The following MYO15B variants were observed in gnomAD, a reference collection of about 807,000 sequenced individuals.
The protein encoded by MYO15B is myosin XVB pseudogene.
A neutral mutation model predicts 119.3 loss-of-function variants in MYO15B; 207 were observed. The observed-to-expected ratio is 1.73, with a 90% CI of 1.55 to 1.95. The LOEUF is 1.95. Ranked by LOEUF, MYO15B falls within the 30% of genes most tolerant of loss-of-function variation. The probability of loss-of-function intolerance (pLI) is 0.00; values close to 1 mark genes in which losing one functional copy is unlikely to be tolerated. For missense variants in MYO15B, 2,264 were observed against 1,203.1 expected (o/e 1.88, Z -13.04); for synonymous variants, 966 against 498.9 (o/e 1.94, Z -12.48).
Position 75,620,596 on chromosome 17 carries a change from AC to A in MYO15B, c.7686del (p.Asn2562LysfsTer98). 1.4e-6 allele frequency: 1 copy of A among 702,434 alleles called. No homozygotes were observed. The highest frequency in any genetic ancestry group is 2.7e-5 in the East Asian group (1 of 37,242). 43.5% of individuals were successfully genotyped at this position (702,434 alleles called of 1,614,324 possible). On this transcript the variant is annotated frameshift_variant, in exon 49 of 64. Coordinates refer to ENST00000645453, the Ensembl canonical transcript of MYO15B. LOFTEE classifies it high-confidence loss of function. ...GGCTGGCACAAGGGTCAGCTGTCCAACGGGGAACCAGGGCTGGCTCGGTGGG... is the reference window on the plus strand; with the variant it reads ...GGCTGGCACAAGGGTCAGCTGTCCAAGGGGAACCAGGGCTGGCTCGGTGGG...
chr17:75,606,006 G>T (rs959512013), exon 21 of MYO15B: 1 of 698,766 alleles, frequency 1.4e-6, no homozygotes, highest in Non-Finnish European at 2.6e-6. Context: ...GCTCGCATGC[G>T]TGGGTTCCAG....
intron 34 of MYO15B, 49 bp from the exon 35 acceptor site, chr17:75,615,454 C>A: frequency 1.5e-6 from 1 of 674,142 alleles, no homozygotes; most frequent in African/African-American, 1.8e-5. Flanking sequence ...CAGCGAGCTT[C>A]AAGGCTGGCC....
chr17:75,616,498 AAC>A, intron 38 of MYO15B, 24 bp from the exon 39 acceptor site: 1 of 693,346 alleles, frequency 1.4e-6, no homozygotes, highest in Non-Finnish European at 2.6e-6. Context: ...GCACGCGGTT[AAC>A]AGTCTTTCCT....
chr17:75,621,604 C>T lies in MYO15B; in HGVS notation c.8005+34C>T, dbSNP rs1464239093. 6 of 695,452 alleles carry T rather than the reference C, an allele frequency of 8.6e-6. No individual in the cohort carries two copies. The African/African-American group carries it at 8.8e-5, about 10-fold the overall frequency. 43.1% of individuals were successfully genotyped at this position (695,452 alleles called of 1,614,324 possible). On this transcript the variant is annotated intron_variant, in intron 52 of 63. Coordinates refer to ENST00000645453, the Ensembl canonical transcript of MYO15B. ...CCACAGGCATCCTGGGTCCCCATGT[C>T]TGCAGTGCCATGAACCTGGGTGTCT...
exon 39 of MYO15B, chr17:75,616,583 G>A: frequency 1.4e-6 from 1 of 703,088 alleles, no homozygotes; most frequent in Non-Finnish European, 2.6e-6. Flanking sequence ...TGGGGCCAAA[G>A]CTCCAAAAGA....
At chr17:75,614,523 C>A (rs554391180) in intron 30 of MYO15B, 60 bp from the exon 31 acceptor site, 9 of 685,040 alleles carry the variant, frequency 1.3e-5, no homozygotes, top group African/African-American at 1.2e-4. Flanking sequence ...CTACCTCTTG[C>A]CCCAGCCTGG....
chr17:75,621,616 G>A (rs943814850), intron 52 of MYO15B, 46 bp downstream of exon 52: 4 of 688,438 alleles, frequency 5.8e-6, no homozygotes, highest in African/African-American at 3.5e-5. Context: ...GCAGTGCCAT[G>A]AACCTGGGTG....
chr17:75,624,861 G>A lies in MYO15B; in HGVS notation c.8633G>A (p.Trp2878Ter). The A allele has an allele frequency of 1.4e-6, 1 of 702,994 alleles. No individual in the cohort carries two copies. The allele number at this position is 702,994 out of a possible 1,614,324, so 43.5% of individuals were successfully genotyped here. A position where few individuals can be genotyped will look rare whatever the true frequency, so the allele number is the denominator to read the frequency against. ...AGCCTGCACAGCCGGCGGCTCCACT[G>A]GGAGACCCCACTGCACTTCGATAAC... Residue 2878 changes from tryptophan to a stop codon, truncating the protein, a stop_gained, in exon 59 of 64, where the codon TGG becomes TAG. Coordinates refer to ENST00000645453, the Ensembl canonical transcript of MYO15B. LOFTEE classifies it high-confidence loss of function.
chr17:75,626,574 T>C (rs1598967349), exon 64 of MYO15B: 2 of 694,050 alleles, frequency 2.9e-6, no homozygotes, highest in African/African-American at 1.7e-5. Flanking sequence ...ATCAGATCAC[T>C]GTTCTAGAAC....
At position 75,615,048 on chromosome 17, in the gene MYO15B, T is replaced by A. The variant is rs1251036184; in HGVS notation, c.5641+6T>A. On this transcript the variant is annotated splice_donor_region_variant and intron_variant, in intron 33 of 63. Coordinates refer to ENST00000645453, the Ensembl canonical transcript of MYO15B. Reference sequence around the variant, plus strand: ...ACAGCAGGGCTACCCCATGGGTGAGTGAGGGGCTGATTCCTCACCCAGGGC... The same window carrying A: ...ACAGCAGGGCTACCCCATGGGTGAGAGAGGGGCTGATTCCTCACCCAGGGC... 1 of 702,004 alleles carries A rather than the reference T, an allele frequency of 1.4e-6. No homozygotes were observed. The allele number at this position is 702,004 out of a possible 1,614,324, so 43.5% of individuals were successfully genotyped here. A position where few individuals can be genotyped will look rare whatever the true frequency, so the allele number is the denominator to read the frequency against.
At chr17:75,617,687 C>T in intron 41 of MYO15B, 123 bp from the exon 42 acceptor site, 1 of 602,232 alleles carries the variant, frequency 1.7e-6, no homozygotes, top group Non-Finnish European at 3.0e-6. Context: ...AGTAAGGCAG[C>T]TGGAGGTTGG....
At chr17:75,617,784 G>A (rs2058467840) in intron 41 of MYO15B, 26 bp from the exon 42 acceptor site, 1 of 692,066 alleles carries the variant, frequency 1.4e-6, no homozygotes, top group East Asian at 2.7e-5. Context: ...CCTCACTGAG[G>A]CTCCTCACCC....
intron 12 of MYO15B, 75 bp from the exon 13 acceptor site, chr17:75,596,385 C>G: frequency 1.4e-6 from 1 of 692,596 alleles, no homozygotes; most frequent in African/African-American, 1.8e-5. Context: ...TGCGCCCTGG[C>G]CAGAATGAAG....
exon 47 of MYO15B, chr17:75,619,921 C>T: frequency 1.4e-6 from 1 of 702,662 alleles, no homozygotes; most frequent in Non-Finnish European, 2.6e-6. Context: ...GCGGCTCCAC[C>T]CTGGAGCTGT....
chr17:75,594,866 C>G (rs866316256), exon 12 of MYO15B: 1 of 702,934 alleles, frequency 1.4e-6, no homozygotes. Context: ...GCACTGTATT[C>G]CCGCCTCTTC....
At chr17:75,601,701 T>C in intron 15 of MYO15B, 138 bp downstream of exon 15, 1 of 621,892 alleles carries the variant, frequency 1.6e-6, no homozygotes. Flanking sequence ...ACCTGAGCCA[T>C]GGGCCCTGCC....
intron 14 of MYO15B, among the ~76,000 whole-genome samples, chr17:75,599,119 A>G (rs997775038): frequency 6.6e-6 from 1 of 152,076 alleles, no homozygotes; most frequent in Admixed American, 6.6e-5. Context: ...GCTGGTCTCA[A>G]CCTCCTGGGC....
At chr17:75,619,309 A>G (rs532998864) in intron 44 of MYO15B, 49 bp from the exon 45 acceptor site, 256 of 702,232 alleles carry the variant, frequency 3.6e-4, no homozygotes, top group Admixed American at 6.6e-4. Context: ...CAAACTCTAG[A>G]GCCCCCTCTG....
At chr17:75,594,707 C>G (rs919525453) in exon 11 of MYO15B, 9 of 702,960 alleles carry the variant, frequency 1.3e-5, no homozygotes, top group Middle Eastern at 2.3e-4. Flanking sequence ...CCAGGAGACG[C>G]CCTATGGCCA....
Sources: gnomAD v4.1 joint callset for allele counts (sites outside exome capture counted in the v4.1 genomes callset) on GRCh38, gnomAD v4.1.1 for gene constraint, MANE v1.5 for transcripts, NCBI Gene and HGNC (gene_info 2026-07-23, HGNC 2026-07-21) for gene names.